EXD1: variants seen among roughly 807,000 people sequenced by gnomAD.
EXD1 encodes exonuclease 3'-5' domain containing 1.
In EXD1, 63 loss-of-function variants were observed where a neutral mutation model predicts 49.1. That is an observed-to-expected ratio of 1.28 (90% CI 1.05 to 1.58). The LOEUF (loss-of-function observed/expected upper bound fraction) is 1.58, where lower values mean the gene tolerates loss of function less well. Among genes scored for constraint, EXD1 ranks in the 40% most tolerant of loss-of-function variants. The pLI is 0.00. For missense variants in EXD1, 748 were observed against 666.0 expected (o/e 1.12, Z -1.36); for synonymous variants, 234 against 239.2 (o/e 0.98, Z 0.20).
intron 7 of EXD1, among the ~76,000 whole-genome samples, chr15:41,201,488 T>A (rs1179293776): frequency 1.1e-4 from 1 of 9,448 alleles, no homozygotes; most frequent in Non-Finnish European, 2.0e-4. Flanking sequence ...ATTCTAGATT[T>A]TTTTTTTTTT....
intron 11 of EXD1, among the ~76,000 whole-genome samples, chr15:41,188,600 C>T (rs111316583): frequency 0.1 from 15,852 of 151,814 alleles, 1,155 homozygotes; most frequent in East Asian, 0.2. Context: ...ACCATGTTTG[C>T]CAGGCTGATC....
intron 7 of EXD1, among the ~76,000 whole-genome samples, chr15:41,199,706 T>TCA (rs1310642218): frequency 3.1e-5 from 3 of 95,448 alleles, no homozygotes; most frequent in East Asian, 2.8e-4. Context: ...ATTACATATA[T>TCA]CATATATATG....
intron 6 of EXD1, among the ~76,000 whole-genome samples, chr15:41,209,895 A>G (rs1228169577): frequency 6.6e-6 from 1 of 152,164 alleles, no homozygotes; most frequent in Non-Finnish European, 1.5e-5. Flanking sequence ...CTACAGAGAA[A>G]GAATCATAAT....
intron 1 of EXD1, 64 bp downstream of exon 1, chr15:41,230,415 G>C (rs1214866281): frequency 1.6e-5 from 24 of 1,530,854 alleles, no homozygotes; most frequent in Non-Finnish European, 2.2e-5. Flanking sequence ...AATACACCAT[G>C]AGAATAAAAT....
chr15:41,216,969 A>G, intron 4 of EXD1, 128 bp downstream of exon 4: 1 of 1,225,226 alleles, frequency 8.2e-7, no homozygotes, highest in Non-Finnish European at 1.1e-6. Flanking sequence ...GAAAACACCT[A>G]TATATTTCTT....
intron 7 of EXD1, among the ~76,000 whole-genome samples, chr15:41,206,756 G>A (rs527561419): frequency 6.7e-6 from 1 of 148,504 alleles, no homozygotes; most frequent in Non-Finnish European, 1.5e-5. Context: ...TTAGTAGCTA[G>A]GATTATAGGC....
intron 1 of EXD1, among the ~76,000 whole-genome samples, chr15:41,230,141 T>C (rs1346815722): frequency 1.4e-5 from 2 of 140,740 alleles, no homozygotes; most frequent in East Asian, 4.3e-4. Context: ...TGGAGAGCAA[T>C]GCCGCGATCT....
chr15:41,226,577 C>G lies in EXD1; in HGVS notation c.-2G>C, dbSNP rs1223212977. Reference sequence around the variant, plus strand: ...ATGGTAGTCACTGCTGGGGTCCATGCTAATTGATTCCAAAAGCCGTCTTCA... The same window carrying G: ...ATGGTAGTCACTGCTGGGGTCCATGGTAATTGATTCCAAAAGCCGTCTTCA... On this transcript the variant is annotated 5_prime_UTR_variant, in exon 2 of 12. It removes the in-frame stop codon of an upstream open reading frame in the 5' UTR. Transcript: ENST00000458580. 2.0e-6 allele frequency: 3 copies of G among 1,533,198 alleles called. No homozygotes were observed. In the African/African-American group the frequency reaches 4.1e-5, roughly 21 times the overall value. The allele number at this position is 1,533,198 out of a possible 1,614,324, so 95.0% of individuals were successfully genotyped here.
chr15:41,195,357 C>T (rs114570492), intron 9 of EXD1, among the ~76,000 whole-genome samples: 205 of 152,206 alleles, frequency 1.3e-3, no homozygotes, highest in African/African-American at 4.5e-3. Context: ...ATATGCAGGA[C>T]GACCTGTACC....
intron 7 of EXD1, among the ~76,000 whole-genome samples, chr15:41,197,279 G>C (rs1302799746): frequency 6.7e-6 from 1 of 149,044 alleles, no homozygotes; most frequent in Non-Finnish European, 1.5e-5. Flanking sequence ...CCAGGCTGGA[G>C]GGCAGTGGCA....
chr15:41,218,961 T>C (rs7165551), intron 3 of EXD1, among the ~76,000 whole-genome samples: 24,510 of 152,070 alleles, frequency 0.16, 3,644 homozygotes, highest in African/African-American at 0.39. Context: ...GTCCTTTCCT[T>C]TCTTCAGATC....
chr15:41,196,836 T>C (rs1202663742), intron 7 of EXD1, among the ~76,000 whole-genome samples: 2 of 151,682 alleles, frequency 1.3e-5, no homozygotes, highest in Non-Finnish European at 2.9e-5. Flanking sequence ...CAAAACTTTA[T>C]TTTTTTTGAG....
At chr15:41,189,540 G>A (rs934103799) in intron 11 of EXD1, among the ~76,000 whole-genome samples, 2 of 151,578 alleles carry the variant, frequency 1.3e-5, no homozygotes, top group Admixed American at 1.3e-4. Context: ...GCACATGCCT[G>A]TAATCCCAGT....
intron 11 of EXD1, among the ~76,000 whole-genome samples, chr15:41,188,508 T>G (rs1409202109): frequency 6.6e-6 from 1 of 151,892 alleles, no homozygotes; most frequent in Non-Finnish European, 1.5e-5. Flanking sequence ...TTCTCCTGCC[T>G]CAGGCTCCCA....
chr15:41,192,416 C>T (rs1016501995), intron 9 of EXD1, among the ~76,000 whole-genome samples: 3 of 151,978 alleles, frequency 2.0e-5, no homozygotes, highest in African/African-American at 7.2e-5. Context: ...CCTGCCTCAG[C>T]CTCCCGAGTA....
rs974304841 is a variant in EXD1 at position 41,183,774 on chromosome 15, G to A, written c.*157C>T. The A allele has an allele frequency of 2.2e-5, 13 of 592,212 alleles. No individual in the cohort carries two copies. The highest frequency in any genetic ancestry group is 3.6e-5 in the Admixed American group (1 of 27,900). 36.7% of individuals were successfully genotyped at this position (592,212 alleles called of 1,614,324 possible). ...TTTAACTTATTCATTCTCATTCTCC[G>A]CATACCAGGAACACAGGAGTAAGCA... On this transcript the variant is annotated 3_prime_UTR_variant, in exon 12 of 12. Coordinates refer to ENST00000458580, the MANE Select transcript of EXD1 (RefSeq NM_001286441.2).
chr15:41,190,130 T>C lies in EXD1; in HGVS notation c.865-2A>G. On this transcript the variant is annotated splice_acceptor_variant, in intron 10 of 11. Transcript: ENST00000458580. LOFTEE classifies it high-confidence loss of function. ...GATGAACCATACTTCTGGATTTTCC[T>C]GGAGACAATAAAACAATTTCCTCTG... 2 of 1,614,104 alleles carry C rather than the reference T, an allele frequency of 1.2e-6. No individual in the cohort carries two copies. Among genetic ancestry groups the C allele is most frequent in the Non-Finnish European group, 1.7e-6 (2 of 1,179,984 alleles).
chr15:41,202,977 AT>A (rs2046757311), intron 7 of EXD1, among the ~76,000 whole-genome samples: 1 of 152,072 alleles, frequency 6.6e-6, no homozygotes, highest in Non-Finnish European at 1.5e-5. Flanking sequence ...AATTATAAAA[AT>A]TGAGTAGATG....
chr15:41,228,334 G>A (rs909025), intron 1 of EXD1, among the ~76,000 whole-genome samples: 44,297 of 151,936 alleles, frequency 0.29, 9,051 homozygotes, highest in African/African-American at 0.58. Context: ...TACAATTTTC[G>A]GTCAAATAAA....
Sources: allele counts gnomAD v4.1 joint callset (sites outside exome capture counted in the v4.1 genomes callset), GRCh38; gene constraint gnomAD v4.1.1; transcripts MANE v1.5; gene names NCBI Gene and HGNC (gene_info 2026-07-23, HGNC 2026-07-21).